The following TET2 variants were observed in gnomAD, a reference collection of about 807,000 sequenced individuals.
TET2 encodes the protein methylcytosine dioxygenase TET2.
Under a neutral mutation model 142.9 loss-of-function variants are expected in TET2, and 299 were observed. The observed-to-expected ratio is 2.09, with a 90% CI of 1.90 to 2.30. The LOEUF is 2.30. Among genes scored for constraint, TET2 ranks in the 30% most tolerant of loss-of-function variants. TET2 has a pLI of 0.00. For missense variants in TET2, 2,418 were observed against 2,378.0 expected, an observed-to-expected ratio of 1.02 and a Z score of -0.35; for synonymous variants, 819 against 849.0, an observed-to-expected ratio of 0.96 and a Z score of 0.61.
At chr4:105,224,250 C>T (rs933089225) in intron 2 of TET2, among the ~76,000 whole-genome samples, 1 of 152,074 alleles carries the variant, frequency 6.6e-6, no homozygotes, top group Non-Finnish European at 1.5e-5. Flanking sequence ...GTGAGAGATA[C>T]AGCTACCATT....
intron 2 of TET2, among the ~76,000 whole-genome samples, chr4:105,200,689 T>C (rs1389181762): frequency 6.6e-6 from 1 of 151,282 alleles, no homozygotes; most frequent in Non-Finnish European, 1.5e-5. Flanking sequence ...GGAGATGGAG[T>C]CTCACGCTGT....
chr4:105,166,551 G>T, intron 1 of TET2, among the ~76,000 whole-genome samples: 1 of 149,408 alleles, frequency 6.7e-6, no homozygotes, highest in African/African-American at 2.5e-5. Flanking sequence ...TATTGCTTTA[G>T]TCTCATGTCT....
chr4:105,275,462 C>T lies in TET2; in HGVS notation c.4952C>T (p.Pro1651Leu), dbSNP rs2110313327. 2 of 1,551,668 alleles carry T rather than the reference C, an allele frequency of 1.3e-6. No individual in the cohort carries two copies. Among genetic ancestry groups the T allele is most frequent in the South Asian group, 1.2e-5 (1 of 84,056 alleles). The change falls in exon 11 of 11, where the codon CCC becomes CTC. Residue 1651 changes from proline (P) to leucine (L), a missense_variant. By Grantham distance (98) the Pro-to-Leu change is moderately conservative. Coordinates refer to ENST00000380013, the MANE Select transcript of TET2 (RefSeq NM_001127208.3). ...TCCCCATATCTGGGTTCCTATTCTCCCCAGTCTCAGCCGATGGATCTGTAT... is the reference window on the plus strand; with the variant it reads ...TCCCCATATCTGGGTTCCTATTCTCTCCAGTCTCAGCCGATGGATCTGTAT... Reference protein sequence around the residue: ...NCSPYLGSYSPQSQPMDLYRY... With the variant: ...NCSPYLGSYSLQSQPMDLYRY...
chr4:105,167,898 G>T (rs939598798), intron 1 of TET2, among the ~76,000 whole-genome samples: 21 of 152,148 alleles, frequency 1.4e-4, no homozygotes, highest in African/African-American at 4.8e-4. Flanking sequence ...ACGTAATCTT[G>T]CCTAGCTTTA....
chr4:105,217,982 AGAGTTGACTCGAGTGAAGGAAATT>A (rs1296032913), intron 2 of TET2, among the ~76,000 whole-genome samples: 2 of 152,120 alleles, frequency 1.3e-5, no homozygotes, highest in African/African-American at 4.8e-5. Flanking sequence ...TCTCTCCCGC[AGAGTTGACTCGAGTGAAGGAAATT>A]GAGTTGTTTT....
intron 1 of TET2, among the ~76,000 whole-genome samples, chr4:105,172,962 A>T (rs1052339196): frequency 6.6e-6 from 1 of 152,232 alleles, no homozygotes; most frequent in Non-Finnish European, 1.5e-5. Context: ...CTCTCTTATT[A>T]TACAATGATA....
chr4:105,148,207 G>A (rs1454644486), intron 1 of TET2, among the ~76,000 whole-genome samples: 1 of 152,092 alleles, frequency 6.6e-6, no homozygotes, highest in African/African-American at 2.4e-5. Context: ...TAGACTCCTG[G>A]AAAGGCCGAA....
chr4:105,224,299 T>C (rs575575078), intron 2 of TET2, among the ~76,000 whole-genome samples: 7 of 152,234 alleles, frequency 4.6e-5, no homozygotes, highest in Middle Eastern at 3.4e-3. Context: ...TGGAGCAAAA[T>C]TACAGTCCTA....
At chr4:105,180,923 G>A (rs1483404170) in intron 1 of TET2, among the ~76,000 whole-genome samples, 1 of 152,154 alleles carries the variant, frequency 6.6e-6, no homozygotes, top group Non-Finnish European at 1.5e-5. Context: ...ACAGGCGTGA[G>A]GCACTGCATC....
Position 105,237,224 on chromosome 4 carries a change from A to C in TET2, c.3282A>C (p.Lys1094Asn). 1.2e-6 allele frequency: 2 copies of C among 1,614,044 alleles called. No individual in the cohort carries two copies. Among genetic ancestry groups the C allele is most frequent in the Non-Finnish European group, 8.5e-7 (1 of 1,180,004 alleles). Residue 1094 changes from lysine (K) to asparagine (N), a missense_variant, in exon 3 of 11, where the codon AAA becomes AAC. Physicochemically the swap from Lys to Asn is moderately conservative, Grantham distance 94 (BLOSUM62 0). Transcript: ENST00000380013. ...QTTSSEKTPT[K>N]RTAASVLNNF... ...CTTCTTCAGAAAAGACACCAACCAA[A>C]AGAACAGCTGCTTCTGTTCTCAATA...
intron 1 of TET2, chr4:105,172,358 AAGCT>A (rs1724521147): frequency 6.6e-6 from 1 of 152,202 alleles, no homozygotes; most frequent in African/African-American, 2.4e-5. Context: ...ACAATAAACT[AAGCT>A]AGAGAAAAGA....
In TET2 at chr4:105,224,684, GTCTCTCTCTCTCTC is replaced by G. The variant is rs34870510; in HGVS notation, c.-46-9183_-46-9170del. ...GTTAACATAATTGACATATCAGCCA[GTCTCTCTCTCTCTC>G]TCTCTCTCTCTCTCTCTCTCTCTCT... On this transcript the variant is annotated intron_variant, in intron 2 of 10. Transcript: ENST00000380013. Among the ~76,000 whole-genome samples, 728 of 108,148 alleles carry G rather than the reference GTCTCTCTCTCTCTC, an allele frequency of 6.7e-3. 8 individuals carry two copies. Among genetic ancestry groups the G allele is most frequent in the African/African-American group, 0.024 (661 of 28,102 alleles). 70.9% of individuals were successfully genotyped at this position (108,148 alleles called of 152,430 possible). A position where few individuals can be genotyped will look rare whatever the true frequency, so the allele number is the denominator to read the frequency against.
chr4:105,178,381 G>A (rs1023281780), intron 1 of TET2, among the ~76,000 whole-genome samples: 6 of 152,162 alleles, frequency 3.9e-5, no homozygotes, highest in African/African-American at 1.2e-4. Context: ...ATGACATTCC[G>A]GAAAAGCCAA....
rs149142909 is a variant in TET2 at position 105,236,978 on chromosome 4, A to G, written c.3036A>G (p.Pro1012=). ...AAAAGGTAACTAAGCAAGAGAATCC[A>G]CCTGCAAGCTGTGATAATGTGCAGC... is the stretch of plus-strand genomic sequence containing the variant. ...TWKKVTKQEN[P]PASCDNVQQK... is the part of the protein sequence containing the mutation. The change falls in exon 3 of 11, where the codon CCA becomes CCG. Residue 1012 remains proline, a synonymous_variant. Transcript: ENST00000380013. 12 of 1,614,152 alleles carry G rather than the reference A, an allele frequency of 7.4e-6. No homozygotes were observed. In the East Asian group the frequency reaches 2.7e-4, roughly 36 times the overall value.
intron 1 of TET2, among the ~76,000 whole-genome samples, chr4:105,159,709 C>A (rs1723747368): frequency 6.6e-6 from 1 of 152,284 alleles, no homozygotes; most frequent in Admixed American, 6.5e-5. Flanking sequence ...CTCCCAGCCT[C>A]ACAAAATGCC....
chr4:105,259,743 A>G lies in TET2; in HGVS notation c.3928A>G (p.Lys1310Glu). 6.4e-7 allele frequency: 1 copy of G among 1,550,912 alleles called. No homozygotes were observed. The highest frequency in any genetic ancestry group is 8.7e-7 in the Non-Finnish European group (1 of 1,146,462). Residue 1310 changes from lysine to glutamate, a missense_variant, in exon 7 of 11, where the codon AAG becomes GAG. Lys to Glu is a moderately conservative substitution (Grantham distance 56). Transcript: ENST00000380013. The part of the protein sequence containing the change: ...FARSKIPRKF[K>E]LLGDDPKEEE... ...CAGAAGCAAGATCCCAAGGAAGTTT[A>G]AGCTGCTTGGGGATGACCCAAAAGA...
intron 6 of TET2, among the ~76,000 whole-genome samples, chr4:105,251,669 T>C (rs774945968): frequency 2.6e-5 from 4 of 152,206 alleles, no homozygotes; most frequent in Non-Finnish European, 5.9e-5. Flanking sequence ...TCTCTGTTGA[T>C]AAGGTATACT....
intron 4 of TET2, 141 bp from the exon 5 acceptor site, chr4:105,242,693 C>A: frequency 6.9e-7 from 1 of 1,442,624 alleles, no homozygotes; most frequent in East Asian, 2.6e-5. Context: ...TTGGCGTAGA[C>A]CTGTTTAAAA....
chr4:105,252,233 A>G (rs1729902054), intron 6 of TET2, among the ~76,000 whole-genome samples: 2 of 152,162 alleles, frequency 1.3e-5, no homozygotes, highest in African/African-American at 4.8e-5. Context: ...TTTTATCTCA[A>G]TAATTTTGCC....
Sources: allele counts gnomAD v4.1 joint callset (sites outside exome capture counted in the v4.1 genomes callset), GRCh38; gene constraint gnomAD v4.1.1; transcripts MANE v1.5; gene names NCBI Gene and HGNC (gene_info 2026-07-23, HGNC 2026-07-21).